Variants in RAB3A observed in about 807,000 individuals in gnomAD.
RAB3A encodes the protein RAB3A, member RAS oncogene family.
In RAB3A, 5 loss-of-function variants were observed where a neutral mutation model predicts 19.7. That is an observed-to-expected ratio of 0.25 (90% CI 0.13 to 0.53). RAB3A has a LOEUF of 0.53. Ranked by LOEUF, RAB3A falls within the 20% of genes least tolerant of loss-of-function variation. The pLI, the probability that RAB3A is intolerant of heterozygous loss-of-function variation, is 0.95. For missense variants in RAB3A, 189 were observed against 305.6 expected (o/e 0.62, Z 2.85); for synonymous variants, 119 against 122.1 (o/e 0.97, Z 0.17).
chr19:18,202,683 C>G lies in RAB3A; in HGVS notation c.58G>C (p.Asp20His), dbSNP rs1436542669. ...GQKESSDQNF[D>H]YMFKILIIGN... is the part of the protein sequence containing the mutation. ...ATGATGAGAATCTTGAACATGTAGTCGAAGTTCTGATCCGAGGACTCCTTC... is the reference window on the plus strand; with the variant it reads ...ATGATGAGAATCTTGAACATGTAGTGGAAGTTCTGATCCGAGGACTCCTTC... Residue 20 changes from aspartate (D) to histidine (H), a missense_variant, in exon 2 of 5, where the codon GAC becomes CAC. Asp to His is a moderately conservative substitution (Grantham distance 81, BLOSUM62 -1). Coordinates refer to ENST00000222256, the MANE Select transcript of RAB3A (RefSeq NM_002866.5). The surrounding 1 kb of genome is among the most constrained non-coding windows in gnomAD (Gnocchi z 4.2). The G allele has an allele frequency of 6.2e-7, 1 of 1,614,112 alleles. No homozygotes were observed. Among genetic ancestry groups the G allele is most frequent in the Admixed American group, 1.7e-5 (1 of 60,018 alleles).
At chr19:18,199,478 T>C (rs932828942) in intron 3 of RAB3A, among the ~76,000 whole-genome samples, 3 of 151,662 alleles carry the variant, frequency 2.0e-5, no homozygotes, top group Non-Finnish European at 2.9e-5. Flanking sequence ...TTAAAGTTAT[T>C]ACTTCTGAGC....
At chr19:18,199,013 C>T (rs942574150) in intron 3 of RAB3A, among the ~76,000 whole-genome samples, 164 bp from the exon 4 acceptor site, 3 of 152,114 alleles carry the variant, frequency 2.0e-5, no homozygotes, top group African/African-American at 7.2e-5. Flanking sequence ...GCTTTCACCC[C>T]ACTCCAGCCC....
chr19:18,200,894 C>T (rs905747534), intron 2 of RAB3A, among the ~76,000 whole-genome samples: 5 of 151,906 alleles, frequency 3.3e-5, no homozygotes, highest in African/African-American at 1.2e-4. Context: ...GAGATCGCGC[C>T]ACTGCAGTTC....
rs759609489 is a variant in RAB3A at position 18,197,563 on chromosome 19, C to T, written c.570G>A (p.Ser190=). 1.4e-5 allele frequency: 23 copies of T among 1,613,856 alleles called. No homozygotes were observed. Among genetic ancestry groups the T allele is most frequent in the African/African-American group, 6.7e-5 (5 of 74,906 alleles). The stretch of plus-strand genomic sequence containing the variant: ...TGACCGCAGGGTCCGCCGTGTCCAA[C>T]GACTCGGACATCTTCTCGCAGATGA... ...VDVICEKMSE[S]LDTADPAVTG... is the part of the protein sequence containing the mutation. Residue 190 remains serine (S), a synonymous_variant, in exon 5 of 5, where the codon TCG becomes TCA. Coordinates refer to ENST00000222256, the MANE Select transcript of RAB3A (RefSeq NM_002866.5).
intron 2 of RAB3A, among the ~76,000 whole-genome samples, chr19:18,200,949 G>T (rs1170597484): frequency 6.7e-6 from 1 of 150,294 alleles, no homozygotes; most frequent in Non-Finnish European, 1.5e-5. Flanking sequence ...AACAAACAGG[G>T]GGTCGGGTGT....
intron 2 of RAB3A, among the ~76,000 whole-genome samples, chr19:18,200,650 C>T (rs1345784761): frequency 6.6e-6 from 1 of 151,988 alleles, no homozygotes; most frequent in African/African-American, 2.4e-5. Flanking sequence ...ACCAAACGTA[C>T]TGTGCCAGGT....
chr19:18,197,882 T>C (rs1227575046), intron 4 of RAB3A, among the ~76,000 whole-genome samples: 4 of 148,368 alleles, frequency 2.7e-5, no homozygotes, highest in African/African-American at 9.9e-5. Context: ...GCTTTTTTTT[T>C]TTTTTTTTTT....
chr19:18,197,699 G>A lies in RAB3A; in HGVS notation c.473-39C>T, dbSNP rs374790988. Reference sequence around the variant, plus strand: ...AGGCAGGGATGAGGACCCTGGCCACGCCCTATGCCAACTCCCAGAGATGCT... The same window carrying A: ...AGGCAGGGATGAGGACCCTGGCCACACCCTATGCCAACTCCCAGAGATGCT... On this transcript the variant is annotated intron_variant, in intron 4 of 4. Coordinates refer to ENST00000222256, the MANE Select transcript of RAB3A (RefSeq NM_002866.5). 409 of 1,521,108 alleles carry A rather than the reference G, an allele frequency of 2.7e-4. 7 individuals carry two copies. In the South Asian group the frequency reaches 4.1e-3, roughly 15 times the overall value. The allele number at this position is 1,521,108 out of a possible 1,614,324, so 94.2% of individuals were successfully genotyped here.
At chr19:18,198,265 T>C (rs2147980631) in intron 4 of RAB3A, among the ~76,000 whole-genome samples, 1 of 152,260 alleles carries the variant, frequency 6.6e-6, no homozygotes, top group South Asian at 2.1e-4. Flanking sequence ...ATCGGCCACA[T>C]TTCCTCCAGC....
intron 4 of RAB3A, among the ~76,000 whole-genome samples, chr19:18,197,873 CTTTTTTT>C (rs56264905): frequency 2.2e-5 from 2 of 90,158 alleles, no homozygotes; most frequent in African/African-American, 4.1e-5. Flanking sequence ...GCATTTCCTG[CTTTTTTT>C]TTTTTTTTTT....
At chr19:18,201,263 A>AAAAGAAAGAAAGAAAG (rs71164380) in intron 2 of RAB3A, among the ~76,000 whole-genome samples, 15 of 121,754 alleles carry the variant, frequency 1.2e-4, no homozygotes, top group South Asian at 2.8e-4. Flanking sequence ...AAAAAAAAAA[A>AAAAGAAAGAAAGAAAG]AAAGAAAGAA....
chr19:18,198,623 T>C (rs1967567201), intron 4 of RAB3A, 102 bp downstream of exon 4: 5 of 1,461,612 alleles, frequency 3.4e-6, no homozygotes, highest in Non-Finnish European at 4.6e-6. Flanking sequence ...GCAGAAAGTG[T>C]GAATTACCTG....
In RAB3A at chr19:18,197,198, A is replaced by C; in HGVS notation, c.*272T>G. 4 of 340,848 alleles carry C rather than the reference A, an allele frequency of 1.2e-5. No individual in the cohort carries two copies. The highest frequency in any genetic ancestry group is 1.0e-5 in the Non-Finnish European group (2 of 198,344). The allele number at this position is 340,848 out of a possible 1,614,324, so 21.1% of individuals were successfully genotyped here. ...CGGGGGGGGGGGGTTCAGGAGGGTG[A>C]GCGGTGAGTTCACGGGGCCACGAGA... On this transcript the variant is annotated 3_prime_UTR_variant, in exon 5 of 5. Coordinates refer to ENST00000222256, the MANE Select transcript of RAB3A (RefSeq NM_002866.5).
At chr19:18,203,814 C>G (rs1967647550) in intron 1 of RAB3A, 82 bp downstream of exon 1, 1 of 152,836 alleles carries the variant, frequency 6.5e-6, no homozygotes. Context: ...AACCTCGTCC[C>G]CCACCTCCAT....
Position 18,197,178 on chromosome 19 carries a change from G to T in RAB3A, c.*292C>A, listed in dbSNP as rs1390462559. 3.2e-5 allele frequency: 12 copies of T among 372,608 alleles called. No homozygotes were observed. Among genetic ancestry groups the T allele is most frequent in the Admixed American group, 1.8e-4 (4 of 22,450 alleles). 23.1% of individuals were successfully genotyped at this position (372,608 alleles called of 1,614,324 possible). A position where few individuals can be genotyped will look rare whatever the true frequency, so the allele number is the denominator to read the frequency against. ...GGGTGAATTTTAAAAAAAGGCGGGGGGGGGGGGTTCAGGAGGGTGAGCGGT... is the reference window on the plus strand; with the variant it reads ...GGGTGAATTTTAAAAAAAGGCGGGGTGGGGGGGTTCAGGAGGGTGAGCGGT... On this transcript the variant is annotated 3_prime_UTR_variant, in exon 5 of 5. Coordinates refer to ENST00000222256, the MANE Select transcript of RAB3A (RefSeq NM_002866.5).
Position 18,197,876 on chromosome 19 carries a change from T to C in RAB3A, c.473-216A>G, listed in dbSNP as rs868149976. ...TGGGTCAGCTTTGCATTTCCTGCTT[T>C]TTTTTTTTTTTTTTTTTTTTGAGAC... On this transcript the variant is annotated intron_variant, in intron 4 of 4. Coordinates refer to ENST00000222256, the MANE Select transcript of RAB3A (RefSeq NM_002866.5). 5.8e-4 allele frequency among the ~76,000 whole-genome samples: 84 copies of C among 144,556 alleles called. 1 individual carries two copies. Among genetic ancestry groups the C allele is most frequent in the Middle Eastern group, 7.1e-3 (2 of 282 alleles). 94.8% of individuals were successfully genotyped at this position (144,556 alleles called of 152,430 possible). A position where few individuals can be genotyped will look rare whatever the true frequency, so the allele number is the denominator to read the frequency against.
In RAB3A at chr19:18,202,705, C is replaced by T. The variant is rs2280342; in HGVS notation, c.36G>A (p.Lys12=). ...AGTCGAAGTTCTGATCCGAGGACTC[C>T]TTCTGCCCATAGCGCGAGTCTGTGG... ...ASATDSRYGQ[K]ESSDQNFDYM... The change falls in exon 2 of 5, where the codon AAG becomes AAA. Residue 12 remains lysine (K), a synonymous_variant. Coordinates refer to ENST00000222256, the MANE Select transcript of RAB3A (RefSeq NM_002866.5). This position sits in a 1 kb window ranked among gnomAD's most constrained non-coding sequence, Gnocchi z 4.2. 27,831 of 1,614,130 alleles carry T rather than the reference C, an allele frequency of 0.017. 1,510 individuals carry two copies. The highest frequency in any genetic ancestry group is 0.17 in the East Asian group (7,615 of 44,846).
Position 18,197,389 on chromosome 19 carries a change from C to G in RAB3A, c.*81G>C. ...AGGAGCAGGGGTCTTGTGCCCGTGG[C>G]TGGTAGGGGCCGGGTCAGGCCCGGG... On this transcript the variant is annotated 3_prime_UTR_variant, in exon 5 of 5. Transcript: ENST00000222256. 7.3e-7 allele frequency: 1 copy of G among 1,367,186 alleles called. No homozygotes were observed. The highest frequency in any genetic ancestry group is 1.0e-6 in the Non-Finnish European group (1 of 995,762). 84.7% of individuals were successfully genotyped at this position (1,367,186 alleles called of 1,614,324 possible).
chr19:18,203,002 C>A (rs4808119), intron 1 of RAB3A: 1 of 449,238 alleles, frequency 2.2e-6, no homozygotes, highest in Non-Finnish European at 4.0e-6. Flanking sequence ...GGGCAGGTGC[C>A]CCAGGTGGGG....
Sources: allele counts gnomAD v4.1 joint callset (sites outside exome capture counted in the v4.1 genomes callset), GRCh38; gene constraint gnomAD v4.1.1; non-coding constraint Gnocchi (gnomAD v3.1); transcripts MANE v1.5; gene names NCBI Gene and HGNC (gene_info 2026-07-23, HGNC 2026-07-21).